The following GLRB variants were observed in gnomAD, a reference collection of about 807,000 sequenced individuals.
GLRB encodes the protein glycine receptor beta.
Under a neutral mutation model 54.2 loss-of-function variants are expected in GLRB, and 33 were observed. The ratio of observed to expected loss-of-function variants is 0.61; its 90% CI spans 0.46 to 0.81. GLRB has a LOEUF of 0.81. GLRB is among the 40% of genes least tolerant of loss of function. The pLI is 0.00. For missense variants in GLRB, 572 were observed against 584.6 expected (o/e 0.98, Z 0.22); for synonymous variants, 209 against 208.2 (o/e 1.00, Z -0.03).
chr4:157,143,827 G>T lies in GLRB; in HGVS notation c.772G>T (p.Val258Phe). The change falls in exon 8 of 10, where the codon GTC (valine) becomes TTC (phenylalanine). Residue 258 changes from valine (V) to phenylalanine (F), a missense_variant. By Grantham distance (50) the Val-to-Phe change is conservative (BLOSUM62 -1). Coordinates refer to ENST00000264428, the MANE Select transcript of GLRB (RefSeq NM_000824.5). ...KGTGYYTCVEVIFTLRRQVGF... is the reference protein window; with the variant it reads ...KGTGYYTCVEFIFTLRRQVGF... The stretch of plus-strand genomic sequence containing the variant: ...GAAAGGCTACTACACATGCGTGGAA[G>T]TCATCTTCACCCTGAGGAGGCAGGT... 2 of 1,613,626 alleles carry T rather than the reference G, an allele frequency of 1.2e-6. No homozygotes were observed. The highest frequency in any genetic ancestry group is 1.7e-6 in the Non-Finnish European group (2 of 1,179,968).
chr4:157,169,862 G>C (rs1737851429), intron 9 of GLRB, among the ~76,000 whole-genome samples: 1 of 152,044 alleles, frequency 6.6e-6, no homozygotes, highest in Admixed American at 6.6e-5. Context: ...CCAACAAGTT[G>C]GGAATGCCTA....
At chr4:157,122,260 CA>C (rs1178108648) in intron 3 of GLRB, 69 bp from the exon 4 acceptor site, 21 of 649,970 alleles carry the variant, frequency 3.2e-5, no homozygotes, top group East Asian at 8.5e-5. Context: ...ATGTGCAAAC[CA>C]AAAAAACTAT....
intron 9 of GLRB, among the ~76,000 whole-genome samples, chr4:157,166,262 A>T (rs1737703410): frequency 6.6e-6 from 1 of 152,096 alleles, no homozygotes; most frequent in Admixed American, 6.5e-5. Context: ...CAACTGAGAA[A>T]TTATTAATTG....
chr4:157,158,675 T>G (rs1308240987), intron 9 of GLRB, among the ~76,000 whole-genome samples: 3 of 152,208 alleles, frequency 2.0e-5, no homozygotes, highest in Non-Finnish European at 4.4e-5. Context: ...GGCTCTATTC[T>G]GTTCTGTTGG....
chr4:157,087,563 T>C (rs1307316996), intron 2 of GLRB, among the ~76,000 whole-genome samples: 3 of 152,128 alleles, frequency 2.0e-5, no homozygotes, highest in African/African-American at 7.2e-5. Context: ...TGTTCCCCAA[T>C]TTTTAACCAT....
intron 8 of GLRB, 125 bp from the exon 9 acceptor site, chr4:157,152,593 G>A: frequency 2.5e-6 from 2 of 793,132 alleles, no homozygotes; most frequent in East Asian, 2.4e-5. Flanking sequence ...GAGCTTTAAG[G>A]GGACCTGACA....
intron 8 of GLRB, among the ~76,000 whole-genome samples, chr4:157,148,058 G>T (rs1445209061): frequency 2.0e-5 from 3 of 152,150 alleles, no homozygotes; most frequent in African/African-American, 7.2e-5. Context: ...GGACACAAAG[G>T]GAGGTAGATG....
At chr4:157,136,437 T>A (rs1560962232) in intron 4 of GLRB, 32 bp from the exon 5 acceptor site, 1 of 1,176,914 alleles carries the variant, frequency 8.5e-7, no homozygotes, top group East Asian at 2.3e-5. Context: ...GCAATAAACA[T>A]ACACATGTGC....
chr4:157,134,976 A>G (rs1455309090), intron 4 of GLRB, among the ~76,000 whole-genome samples: 1 of 152,126 alleles, frequency 6.6e-6, no homozygotes, highest in Non-Finnish European at 1.5e-5. Flanking sequence ...GAGCATTTTG[A>G]TAGTGTAAAC....
chr4:157,146,306 C>T (rs903002476), intron 8 of GLRB, among the ~76,000 whole-genome samples: 17 of 151,980 alleles, frequency 1.1e-4, no homozygotes, highest in Admixed American at 9.2e-4. Flanking sequence ...TGAGCCACTG[C>T]ACCGGGCCGA....
At chr4:157,148,849 T>C (rs1375307889) in intron 8 of GLRB, among the ~76,000 whole-genome samples, 2 of 152,090 alleles carry the variant, frequency 1.3e-5, no homozygotes, top group Non-Finnish European at 2.9e-5. Flanking sequence ...TACCGTCAAG[T>C]TGGTTAGTAG....
rs184985496 is a variant in GLRB, at chr4:157,161,699, C to T, written c.1197+8689C>T. ...CTTGTAGAGTTTCTGCCAAGAGATC[C>T]GCTGTTAGTCTGATGGGCTTCCCTT... is the stretch of plus-strand genomic sequence containing the variant. On this transcript the variant is annotated intron_variant, in intron 9 of 9. Transcript: ENST00000264428. Among the ~76,000 whole-genome samples, 954 of 152,282 alleles carry T rather than the reference C, an allele frequency of 6.3e-3. 10 individuals are homozygous for T. The highest frequency in any genetic ancestry group is 0.022 in the African/African-American group (897 of 41,540).
At chr4:157,113,570 T>C (rs1735497885) in intron 2 of GLRB, among the ~76,000 whole-genome samples, 1 of 151,980 alleles carries the variant, frequency 6.6e-6, no homozygotes, top group African/African-American at 2.4e-5. Context: ...GTATTAAAAA[T>C]CTAGTATCTC....
chr4:157,140,834 G>A (rs1326301007), intron 7 of GLRB, among the ~76,000 whole-genome samples: 1 of 151,744 alleles, frequency 6.6e-6, no homozygotes, highest in East Asian at 1.9e-4. Flanking sequence ...AGACTCTATT[G>A]GATTTTTTAA....
intron 2 of GLRB, among the ~76,000 whole-genome samples, chr4:157,116,455 G>A (rs183409667): frequency 2.2e-3 from 328 of 151,622 alleles, no homozygotes; most frequent in African/African-American, 7.6e-3. Context: ...AGAATATGAA[G>A]ACTTTAATAA....
At chr4:157,085,087 A>G (rs996709486) in intron 2 of GLRB, among the ~76,000 whole-genome samples, 2 of 152,200 alleles carry the variant, frequency 1.3e-5, no homozygotes, top group Admixed American at 1.3e-4. Flanking sequence ...TTTTGCAATC[A>G]ATTGAATTGA....
At chr4:157,132,208 G>T (rs975908548) in intron 4 of GLRB, among the ~76,000 whole-genome samples, 1 of 151,618 alleles carries the variant, frequency 6.6e-6, no homozygotes, top group Non-Finnish European at 1.5e-5. Context: ...ATATTCTTTG[G>T]GGTAGTATCT....
chr4:157,137,303 T>A (rs1736438446), intron 6 of GLRB, among the ~76,000 whole-genome samples: 1 of 152,132 alleles, frequency 6.6e-6, no homozygotes, highest in Non-Finnish European at 1.5e-5. Context: ...TCTATGAAAG[T>A]AAAGAAATGT....
At chr4:157,082,511 T>C (rs1734260054) in intron 2 of GLRB, among the ~76,000 whole-genome samples, 2 of 152,182 alleles carry the variant, frequency 1.3e-5, no homozygotes, top group Admixed American at 6.5e-5. Context: ...CTATCTCTTA[T>C]TAAGTCATTA....
Sources: gnomAD v4.1 joint callset for allele counts (sites outside exome capture counted in the v4.1 genomes callset) on GRCh38, gnomAD v4.1.1 for gene constraint, MANE v1.5 for transcripts, NCBI Gene and HGNC (gene_info 2026-07-23, HGNC 2026-07-21) for gene names.